The following CSMD1 variants were observed in gnomAD, a reference collection of about 807,000 sequenced individuals.
CSMD1 encodes CUB and sushi domain-containing protein 1.
A neutral mutation model predicts 417.5 loss-of-function variants in CSMD1; 213 were observed. The ratio of observed to expected loss-of-function variants is 0.51; its 90% CI spans 0.46 to 0.57. CSMD1 has a LOEUF of 0.57. Ranked by LOEUF, CSMD1 falls within the 20% of genes least tolerant of loss-of-function variation. The pLI is 0.00. For missense variants in CSMD1, 6,923 were observed against 4,529.7 expected, an observed-to-expected ratio of 1.53 and a Z score of -15.17; for synonymous variants, 2,862 against 1,736.8, an observed-to-expected ratio of 1.65 and a Z score of -16.11.
At chr8:4,732,472 C>A (rs894191382) in intron 1 of CSMD1, among the ~76,000 whole-genome samples, 1 of 151,878 alleles carries the variant, frequency 6.6e-6, no homozygotes, top group Non-Finnish European at 1.5e-5. Context: ...GAATTACTTA[C>A]AAGGGCTTCA....
chr8:3,392,078 G>C (rs1811380261), intron 17 of CSMD1, among the ~76,000 whole-genome samples: 1 of 143,538 alleles, frequency 7.0e-6, no homozygotes, highest in African/African-American at 2.6e-5. Flanking sequence ...GATCCAGGAA[G>C]GGGAACATCA....
chr8:3,361,567 G>A (rs753103388), intron 20 of CSMD1, among the ~76,000 whole-genome samples: 24 of 145,380 alleles, frequency 1.7e-4, no homozygotes, highest in South Asian at 2.1e-4. Flanking sequence ...CAGAAGAATC[G>A]CTTGAACCCT....
At chr8:4,504,475 G>A (rs1802417725) in intron 2 of CSMD1, among the ~76,000 whole-genome samples, 1 of 152,186 alleles carries the variant, frequency 6.6e-6, no homozygotes, top group South Asian at 2.1e-4. Context: ...CTCATGTGAA[G>A]TGTTCTTTAT....
chr8:3,693,740 T>C (rs897150045), intron 7 of CSMD1, among the ~76,000 whole-genome samples: 16 of 151,948 alleles, frequency 1.1e-4, no homozygotes, highest in African/African-American at 3.9e-4. Context: ...ATGCTTGTTA[T>C]GGTGTGTGTG....
At chr8:4,270,871 C>A (rs1424174564) in intron 3 of CSMD1, among the ~76,000 whole-genome samples, 1 of 152,162 alleles carries the variant, frequency 6.6e-6, no homozygotes, top group Non-Finnish European at 1.5e-5. Context: ...AAATCCCCCT[C>A]TGAGGACCTC....
At chr8:4,758,736 G>T (rs938616481) in intron 1 of CSMD1, among the ~76,000 whole-genome samples, 1 of 152,170 alleles carries the variant, frequency 6.6e-6, no homozygotes, top group Non-Finnish European at 1.5e-5. Flanking sequence ...AGGGGAAACT[G>T]CCATTAATGA....
chr8:3,284,350 C>G lies in CSMD1; in HGVS notation c.3951-4G>C. ...GTCGAAAACAATGAAATGGAGGCTGCAAGAGAGAACACAGTAGCGCTACTT... is the reference window on the plus strand; with the variant it reads ...GTCGAAAACAATGAAATGGAGGCTGGAAGAGAGAACACAGTAGCGCTACTT... On this transcript the variant is annotated splice_polypyrimidine_tract_variant and splice_region_variant and intron_variant, in intron 25 of 69. Transcript: ENST00000635120. 6.2e-7 allele frequency: 1 copy of G among 1,610,022 alleles called. No homozygotes were observed. Among genetic ancestry groups the G allele is most frequent in the Non-Finnish European group, 8.5e-7 (1 of 1,177,134 alleles).
intron 5 of CSMD1, among the ~76,000 whole-genome samples, chr8:3,881,723 C>G (rs1480177226): frequency 2.0e-5 from 3 of 151,176 alleles, no homozygotes; most frequent in Admixed American, 1.3e-4. Context: ...TGGGGCCTTA[C>G]ACTACCAGTT....
intron 1 of CSMD1, among the ~76,000 whole-genome samples, chr8:4,963,144 T>A (rs993285011): frequency 6.6e-6 from 1 of 152,146 alleles, no homozygotes; most frequent in African/African-American, 2.4e-5. Flanking sequence ...AGGCAGTCAA[T>A]TGCCCTCTGT....
Position 4,204,954 on chromosome 8 carries a change from C to G in CSMD1, c.416-172855G>C, listed in dbSNP as rs180808800. On this transcript the variant is annotated intron_variant, in intron 3 of 69. Transcript: ENST00000635120. ...GGATTACAAATGTGAGCCACTGAAT[C>G]TGGCCTATAAAAATTGTTTTCTTAT... 5.3e-5 allele frequency among the ~76,000 whole-genome samples: 8 copies of G among 152,306 alleles called. No individual in the cohort carries two copies. In the East Asian group the frequency reaches 5.8e-4, roughly 11 times the overall value.
chr8:4,385,251 G>T (rs191556135), intron 3 of CSMD1, among the ~76,000 whole-genome samples: 2 of 152,140 alleles, frequency 1.3e-5, no homozygotes, highest in African/African-American at 2.4e-5. Context: ...TCTTAAATAG[G>T]TGTTTGATGT....
At chr8:4,066,451 A>C (rs1242123704) in intron 3 of CSMD1, among the ~76,000 whole-genome samples, 1 of 152,156 alleles carries the variant, frequency 6.6e-6, no homozygotes, top group Non-Finnish European at 1.5e-5. Context: ...GCTACCCGAT[A>C]ATATTTTCCA....
chr8:3,285,263 C>G (rs967354469), intron 25 of CSMD1, among the ~76,000 whole-genome samples: 1 of 152,064 alleles, frequency 6.6e-6, no homozygotes, highest in Non-Finnish European at 1.5e-5. Context: ...CTTATGTCAC[C>G]CTGTGTAAGG....
chr8:3,253,468 C>A (rs909826555), intron 26 of CSMD1, among the ~76,000 whole-genome samples: 5 of 151,932 alleles, frequency 3.3e-5, no homozygotes, highest in Non-Finnish European at 7.4e-5. Context: ...CAATTTTGGA[C>A]TAGGTGTGGT....
chr8:3,651,786 G>C (rs1337921538), intron 7 of CSMD1, among the ~76,000 whole-genome samples: 1 of 150,464 alleles, frequency 6.6e-6, no homozygotes, highest in Non-Finnish European at 1.5e-5. Context: ...CACCATCAGA[G>C]CACCCACCAC....
chr8:3,736,419 A>C (rs1563325105), intron 6 of CSMD1, among the ~76,000 whole-genome samples: 1 of 152,060 alleles, frequency 6.6e-6, no homozygotes, highest in Non-Finnish European at 1.5e-5. Context: ...AATGTAAAAA[A>C]AAAAATGTAG....
intron 26 of CSMD1, among the ~76,000 whole-genome samples, chr8:3,261,406 T>C (rs1461536657): frequency 6.6e-6 from 1 of 152,190 alleles, no homozygotes; most frequent in Non-Finnish European, 1.5e-5. Flanking sequence ...ACAAATATGG[T>C]GCAGTATATA....
At chr8:3,017,846 G>A (rs917456042) in intron 52 of CSMD1, among the ~76,000 whole-genome samples, 3 of 144,280 alleles carry the variant, frequency 2.1e-5, no homozygotes, top group Non-Finnish European at 3.0e-5. Context: ...GGAAGAACGC[G>A]TGGAGAAGGT....
intron 7 of CSMD1, among the ~76,000 whole-genome samples, chr8:3,637,311 T>A (rs565918259): frequency 6.6e-6 from 1 of 152,154 alleles, no homozygotes; most frequent in Non-Finnish European, 1.5e-5. Context: ...TCATAAACAA[T>A]CTATGTCTAA....
Sources: gnomAD v4.1 joint callset for allele counts (sites outside exome capture counted in the v4.1 genomes callset) on GRCh38, gnomAD v4.1.1 for gene constraint, MANE v1.5 for transcripts, NCBI Gene and HGNC (gene_info 2026-07-23, HGNC 2026-07-21) for gene names.